Variants in MGMT observed in about 807,000 individuals in gnomAD.
The protein encoded by MGMT is O-6-methylguanine-DNA methyltransferase.
MGMT carries 14 observed loss-of-function variants against 15.9 expected under a neutral mutation model. That is an observed-to-expected ratio of 0.88 (90% CI 0.58 to 1.37). The LOEUF is 1.37. Among genes scored for constraint, MGMT ranks in the 40% most tolerant of loss-of-function variants. The pLI is 0.00. For synonymous variants in MGMT, 130 were observed against 118.2 expected (o/e 1.10, Z -0.65); for missense variants, 282 against 268.1 (o/e 1.05, Z -0.36).
intron 3 of MGMT, among the ~76,000 whole-genome samples, chr10:129,729,942 C>T (rs757940745): frequency 6.6e-6 from 1 of 152,144 alleles, no homozygotes; most frequent in Non-Finnish European, 1.5e-5. Flanking sequence ...CACAGTCAGA[C>T]GGTGTTGATA....
Position 129,473,279 on chromosome 10 carries a change from A to G in MGMT, c.-13+5983A>G, listed in dbSNP as rs556267875. On this transcript the variant is annotated intron_variant, in intron 1 of 4. Coordinates refer to ENST00000651593, the MANE Select transcript of MGMT (RefSeq NM_002412.5). ...TGGTCAAAAATGGGAAGTCTGCAGC[A>G]TTTCGTGTGTTTGTGGAAATGGGCC... Among the ~76,000 whole-genome samples, 5 of 152,292 alleles carry G rather than the reference A, an allele frequency of 3.3e-5. No homozygotes were observed. The East Asian group carries it at 9.6e-4, about 29-fold the overall frequency.
chr10:129,622,165 G>A (rs1847098056), intron 2 of MGMT, among the ~76,000 whole-genome samples: 1 of 152,188 alleles, frequency 6.6e-6, no homozygotes, highest in Non-Finnish European at 1.5e-5. Flanking sequence ...CTTTGAGACG[G>A]AATACCTGAT....
intron 2 of MGMT, among the ~76,000 whole-genome samples, chr10:129,621,510 T>C (rs1847090139): frequency 6.6e-6 from 1 of 152,198 alleles, no homozygotes; most frequent in Non-Finnish European, 1.5e-5. Context: ...TCATCAGATC[T>C]GTGCTACCTT....
chr10:129,696,841 A>G (rs1217771112), intron 2 of MGMT, among the ~76,000 whole-genome samples: 1 of 152,200 alleles, frequency 6.6e-6, no homozygotes, highest in Non-Finnish European at 1.5e-5. Flanking sequence ...AGCCCAGTCC[A>G]CACCTCACCT....
In MGMT at chr10:129,630,554, T is replaced by G. The variant is rs76679122; in HGVS notation, c.126-77341T>G. Among the ~76,000 whole-genome samples the G allele has an allele frequency of 5.4e-4, 82 of 152,324 alleles. No homozygotes were observed. The East Asian group carries it at 0.015, about 28-fold the overall frequency. On this transcript the variant is annotated intron_variant, in intron 2 of 4. Transcript: ENST00000651593. ...GCCCTTGAAGATAAACTCATTGCAG[T>G]GTTTAAAATTTGTCCTGAGACCCTA...
chr10:129,730,644 G>A (rs1848485180), intron 3 of MGMT, among the ~76,000 whole-genome samples: 1 of 152,142 alleles, frequency 6.6e-6, no homozygotes, highest in African/African-American at 2.4e-5. Flanking sequence ...TAACCTCAGG[G>A]ATACCTTGAC....
At chr10:129,492,653 C>T (rs527332741) in intron 1 of MGMT, among the ~76,000 whole-genome samples, 14 of 152,320 alleles carry the variant, frequency 9.2e-5, no homozygotes, top group African/African-American at 2.2e-4. Flanking sequence ...TGGACTGCCA[C>T]GGTGCTCCCC....
intron 1 of MGMT, among the ~76,000 whole-genome samples, chr10:129,469,144 A>C (rs1845203094): frequency 6.6e-6 from 1 of 152,126 alleles, no homozygotes; most frequent in African/African-American, 2.4e-5. Context: ...GCAGGGAAGA[A>C]GGGGGTAGGA....
intron 2 of MGMT, among the ~76,000 whole-genome samples, chr10:129,571,039 ACACTT>A (rs1294754602): frequency 6.6e-6 from 1 of 152,200 alleles, no homozygotes; most frequent in East Asian, 1.9e-4. Flanking sequence ...TGGCATCAAT[ACACTT>A]AAGAGTAACA....
chr10:129,757,967 A>T (rs929517003), intron 3 of MGMT, among the ~76,000 whole-genome samples: 1 of 152,258 alleles, frequency 6.6e-6, no homozygotes, highest in Non-Finnish European at 1.5e-5. Context: ...AAATTATATC[A>T]TAAAAAACTA....
rs944549317 is a variant in MGMT at position 129,697,486 on chromosome 10, C to T, written c.126-10409C>T. Among the ~76,000 whole-genome samples the T allele has an allele frequency of 1.4e-4, 22 of 152,122 alleles. 1 individual carries two copies. The highest frequency in any genetic ancestry group is 1.4e-3 in the Admixed American group (22 of 15,274). The stretch of plus-strand genomic sequence containing the variant: ...AAGTTGTTATTACATAACCTCCGGA[C>T]CTCAGTTTCCTGTTTTAGAAATAGA... On this transcript the variant is annotated intron_variant, in intron 2 of 4. Transcript: ENST00000651593.
intron 2 of MGMT, among the ~76,000 whole-genome samples, chr10:129,591,456 A>G (rs1289334910): frequency 1.3e-5 from 2 of 152,206 alleles, no homozygotes; most frequent in African/African-American, 4.8e-5. Flanking sequence ...AAGACCGCAC[A>G]GGTGCTGTGT....
intron 2 of MGMT, chr10:129,564,168 TCCC>T (rs1846313857): frequency 2.1e-5 from 1 of 47,012 alleles, no homozygotes; most frequent in Non-Finnish European, 4.3e-5. Flanking sequence ...TTCCTCCCCC[TCCC>T]CCTCCCTTCT....
At position 129,544,521 on chromosome 10, in the gene MGMT, A is replaced by G. The variant is rs144264307; in HGVS notation, c.125+8144A>G. Reference sequence around the variant, plus strand: ...CATAATCTTGCAACAGCCATCCCTGATGGGATTGGGTAAGATGACAGTGTC... The same window carrying G: ...CATAATCTTGCAACAGCCATCCCTGGTGGGATTGGGTAAGATGACAGTGTC... On this transcript the variant is annotated intron_variant, in intron 2 of 4. Transcript: ENST00000651593. 3.2e-3 allele frequency among the ~76,000 whole-genome samples: 485 copies of G among 152,250 alleles called. 2 individuals are homozygous for G. Among genetic ancestry groups the G allele is most frequent in the African/African-American group, 0.011 (465 of 41,568 alleles).
At chr10:129,489,275 G>T (rs954439056) in intron 1 of MGMT, among the ~76,000 whole-genome samples, 1 of 144,916 alleles carries the variant, frequency 6.9e-6, no homozygotes, top group East Asian at 2.1e-4. Flanking sequence ...CAGGGGAATT[G>T]CATGAACCCG....
chr10:129,699,477 C>A (rs1848071886), intron 2 of MGMT, among the ~76,000 whole-genome samples: 2 of 151,870 alleles, frequency 1.3e-5, no homozygotes, highest in African/African-American at 4.8e-5. Context: ...CCAGTTTTAG[C>A]AAGATACCTA....
chr10:129,581,252 T>C (rs1016986172), intron 2 of MGMT, among the ~76,000 whole-genome samples: 1 of 152,124 alleles, frequency 6.6e-6, no homozygotes, highest in African/African-American at 2.4e-5. Flanking sequence ...TGAGTTCTGC[T>C]TTCCTGCCCC....
intron 2 of MGMT, among the ~76,000 whole-genome samples, chr10:129,592,268 T>C (rs548351086): frequency 2.8e-4 from 43 of 152,368 alleles, no homozygotes; most frequent in African/African-American, 9.9e-4. Flanking sequence ...TACTGAATGA[T>C]GAAATCTGAG....
At chr10:129,573,250 T>G (rs1014956533) in intron 2 of MGMT, among the ~76,000 whole-genome samples, 3 of 152,166 alleles carry the variant, frequency 2.0e-5, no homozygotes, top group African/African-American at 7.2e-5. Context: ...GCCCAGGGAA[T>G]TTTTTTCAGA....
Sources: allele counts gnomAD v4.1 joint callset (sites outside exome capture counted in the v4.1 genomes callset), GRCh38; gene constraint gnomAD v4.1.1; transcripts MANE v1.5; gene names NCBI Gene and HGNC (gene_info 2026-07-23, HGNC 2026-07-21).